GABRG3: variants seen among roughly 807,000 people sequenced by gnomAD.
The protein encoded by GABRG3 is gamma-aminobutyric acid receptor subunit gamma-3.
In GABRG3, 25 loss-of-function variants were observed where a neutral mutation model predicts 48.8. The observed-to-expected ratio is 0.51, with a 90% CI of 0.37 to 0.72. The LOEUF is 0.72. Among genes scored for constraint, GABRG3 ranks in the 30% least tolerant of loss-of-function variants. GABRG3 has a pLI of 0.00. For synonymous variants in GABRG3, 227 were observed against 217.6 expected, an observed-to-expected ratio of 1.04 and a Z score of -0.38; for missense variants, 394 against 577.9, an observed-to-expected ratio of 0.68 and a Z score of 3.26.
intron 3 of GABRG3, among the ~76,000 whole-genome samples, chr15:27,137,135 G>C (rs1031736100): frequency 6.6e-6 from 1 of 152,166 alleles, no homozygotes; most frequent in Non-Finnish European, 1.5e-5. Flanking sequence ...CCTGCTTGCC[G>C]TCCTCAAGAT....
At chr15:27,484,132 C>T (rs1019383639) in intron 6 of GABRG3, among the ~76,000 whole-genome samples, 3 of 152,108 alleles carry the variant, frequency 2.0e-5, no homozygotes, top group African/African-American at 4.8e-5. Flanking sequence ...GACGCAGTTT[C>T]GCCATGTTGG....
chr15:27,176,334 A>G (rs1432438244), intron 3 of GABRG3, among the ~76,000 whole-genome samples: 1 of 152,240 alleles, frequency 6.6e-6, no homozygotes, highest in Non-Finnish European at 1.5e-5. Context: ...TATTAGCACC[A>G]AAACGCTGAG....
chr15:27,388,291 GAAAA>G lies in GABRG3; in HGVS notation c.574+59404_574+59407del, dbSNP rs1383888792. On this transcript the variant is annotated intron_variant, in intron 5 of 9. Coordinates refer to ENST00000615808, the MANE Select transcript of GABRG3 (RefSeq NM_033223.5). ...GGAGGGAGGGTAAGGAAGGAAGGAA[GAAAA>G]GAAGGAAGGAAAGGGAGGGAGGGAA... 1.4e-3 allele frequency among the ~76,000 whole-genome samples: 58 copies of G among 41,518 alleles called. 7 individuals carry two copies. Among genetic ancestry groups the G allele is most frequent in the East Asian group, 5.2e-3 (4 of 772 alleles). 27.2% of individuals were successfully genotyped at this position (41,518 alleles called of 152,430 possible).
chr15:27,002,233 G>A (rs1024505062), intron 2 of GABRG3, among the ~76,000 whole-genome samples: 5 of 152,118 alleles, frequency 3.3e-5, no homozygotes, highest in Non-Finnish European at 7.4e-5. Flanking sequence ...ACTCGCACTC[G>A]AAGGACACAC....
At chr15:27,169,962 A>G (rs886240133) in intron 3 of GABRG3, among the ~76,000 whole-genome samples, 2 of 152,172 alleles carry the variant, frequency 1.3e-5, no homozygotes, top group Non-Finnish European at 2.9e-5. Context: ...ACCAACAAAA[A>G]TCCTGTATCC....
chr15:27,028,862 G>GA (rs935006052), intron 3 of GABRG3, among the ~76,000 whole-genome samples: 17 of 147,402 alleles, frequency 1.2e-4, no homozygotes, highest in East Asian at 6.1e-4. Flanking sequence ...CTCTCTCCCT[G>GA]AAAAAAAACA....
intron 3 of GABRG3, among the ~76,000 whole-genome samples, chr15:27,059,912 T>C (rs1389577359): frequency 6.6e-6 from 1 of 152,258 alleles, no homozygotes; most frequent in Non-Finnish European, 1.5e-5. Flanking sequence ...TCCTGCTACC[T>C]CTGTGCAGTC....
rs1442542303 is a variant in GABRG3, at chr15:27,327,170, C to T, written c.491+141C>T. On this transcript the variant is annotated intron_variant, in intron 4 of 9. Coordinates refer to ENST00000615808, the MANE Select transcript of GABRG3 (RefSeq NM_033223.5). ...ACATACTACAGCATCCTGAGAAAGT[C>T]TGCCCTCATGCAACATGTGTAAAAA... The T allele has an allele frequency of 9.7e-6, 7 of 718,786 alleles. No homozygotes were observed. In the Admixed American group the frequency reaches 1.3e-4, roughly 14 times the overall value. 44.5% of individuals were successfully genotyped at this position (718,786 alleles called of 1,614,324 possible).
intron 5 of GABRG3, among the ~76,000 whole-genome samples, chr15:27,356,389 G>A (rs1307986813): frequency 1.3e-5 from 2 of 152,120 alleles, no homozygotes; most frequent in Non-Finnish European, 2.9e-5. Context: ...CTCAACATTC[G>A]TTATTCATTC....
intron 3 of GABRG3, among the ~76,000 whole-genome samples, chr15:27,154,936 C>A (rs968235188): frequency 1.3e-5 from 2 of 151,838 alleles, no homozygotes; most frequent in Non-Finnish European, 2.9e-5. Flanking sequence ...TGGTAGAATT[C>A]TCCTGTAATT....
intron 3 of GABRG3, among the ~76,000 whole-genome samples, chr15:27,198,278 A>G (rs1365596639): frequency 6.6e-6 from 1 of 152,248 alleles, no homozygotes. Context: ...TCCAGAATCT[A>G]CAAGGAACTT....
chr15:26,986,319 C>G (rs746325521), intron 2 of GABRG3, among the ~76,000 whole-genome samples: 8 of 152,184 alleles, frequency 5.3e-5, no homozygotes, highest in African/African-American at 1.7e-4. Context: ...TTAACTGATT[C>G]TCTCACAAAG....
rs1897319738 is a variant in GABRG3, at chr15:27,099,465, CTCT to C, written c.270+72649_270+72651del. Among the ~76,000 whole-genome samples, 3 of 152,098 alleles carry C rather than the reference CTCT, an allele frequency of 2.0e-5. No homozygotes were observed. In the South Asian group the frequency reaches 6.2e-4, roughly 32 times the overall value. On this transcript the variant is annotated intron_variant, in intron 3 of 9. Coordinates refer to ENST00000615808, the MANE Select transcript of GABRG3 (RefSeq NM_033223.5). Reference sequence around the variant, plus strand: ...TTGTTTGTGCCTGTGTTCAAGTTTTCTCTTCTTATGATTTTTCTTTTTGTATTA... The same window carrying C: ...TTGTTTGTGCCTGTGTTCAAGTTTTCTCTTATGATTTTTCTTTTTGTATTA...
At chr15:27,391,399 T>C (rs1887124521) in intron 5 of GABRG3, among the ~76,000 whole-genome samples, 1 of 152,086 alleles carries the variant, frequency 6.6e-6, no homozygotes, top group East Asian at 1.9e-4. Context: ...TTTAGAGAAG[T>C]GGTAATGTAG....
At chr15:27,363,386 C>T (rs1397218047) in intron 5 of GABRG3, 1 of 152,022 alleles carries the variant, frequency 6.6e-6, no homozygotes, top group South Asian at 2.1e-4. Context: ...AATCTTAAGA[C>T]TAGAATGGAG....
At chr15:27,152,563 C>G (rs1169565284) in intron 3 of GABRG3, among the ~76,000 whole-genome samples, 1 of 152,128 alleles carries the variant, frequency 6.6e-6, no homozygotes, top group Non-Finnish European at 1.5e-5. Context: ...ACCTGTCTGT[C>G]AATTTGTAGA....
At chr15:26,996,633 T>C (rs1176245289) in intron 2 of GABRG3, among the ~76,000 whole-genome samples, 1 of 136,890 alleles carries the variant, frequency 7.3e-6, no homozygotes, top group African/African-American at 2.5e-5. Flanking sequence ...TATTTATTTA[T>C]TTATTTATTT....
intron 3 of GABRG3, among the ~76,000 whole-genome samples, chr15:27,109,263 A>G (rs77526860): frequency 0.017 from 2,644 of 152,266 alleles, 85 homozygotes; most frequent in African/African-American, 0.061. Flanking sequence ...TCCTTCTCCC[A>G]CTACATGCTG....
chr15:26,992,455 A>G (rs772106551), intron 2 of GABRG3, among the ~76,000 whole-genome samples: 2 of 152,162 alleles, frequency 1.3e-5, no homozygotes, highest in Non-Finnish European at 2.9e-5. Context: ...AAACTTTATC[A>G]AATGCTTTTT....
Sources: allele counts gnomAD v4.1 joint callset (sites outside exome capture counted in the v4.1 genomes callset), GRCh38; gene constraint gnomAD v4.1.1; transcripts MANE v1.5; gene names NCBI Gene and HGNC (gene_info 2026-07-23, HGNC 2026-07-21).